Variants in KCNU1 observed in about 807,000 individuals in gnomAD.
KCNU1 encodes the protein potassium calcium-activated channel subfamily U member 1.
A neutral mutation model predicts 126.8 loss-of-function variants in KCNU1; 93 were observed. That is an observed-to-expected ratio of 0.73 (90% CI 0.62 to 0.87). KCNU1 has a LOEUF of 0.87. KCNU1 is among the 40% of genes least tolerant of loss of function. KCNU1 has a pLI of 0.00. For missense variants in KCNU1, 1,330 were observed against 1,367.1 expected, an observed-to-expected ratio of 0.97 and a Z score of 0.43; for synonymous variants, 523 against 494.2, an observed-to-expected ratio of 1.06 and a Z score of -0.77.
At chr8:36,847,933 G>A (rs770628644) in intron 18 of KCNU1, among the ~76,000 whole-genome samples, 47 of 152,124 alleles carry the variant, frequency 3.1e-4, no homozygotes, top group Non-Finnish European at 2.2e-4. Flanking sequence ...TACCAACAGC[G>A]TATGAGTTCC....
In KCNU1 at chr8:36,806,231, G is replaced by T. The variant is rs376169917; in HGVS notation, c.469-38G>T. 655 of 1,344,630 alleles carry T rather than the reference G, an allele frequency of 4.9e-4. 2 individuals carry two copies. Among genetic ancestry groups the T allele is most frequent in the Non-Finnish European group, 6.2e-4 (591 of 957,392 alleles). The allele number at this position is 1,344,630 out of a possible 1,614,324, so 83.3% of individuals were successfully genotyped here. Reference sequence around the variant, plus strand: ...CTAGTGTTCACTTAAAATTCTTGAGGGTAACAGAATTTGTGTTATTCTGTT... The same window carrying T: ...CTAGTGTTCACTTAAAATTCTTGAGTGTAACAGAATTTGTGTTATTCTGTT... On this transcript the variant is annotated intron_variant, in intron 4 of 26. Transcript: ENST00000399881.
chr8:36,843,499 CA>C (rs1805030511), intron 16 of KCNU1, among the ~76,000 whole-genome samples: 1 of 152,190 alleles, frequency 6.6e-6, no homozygotes, highest in South Asian at 2.1e-4. Context: ...TCTCATTTTA[CA>C]GAGGAGGAAG....
intron 10 of KCNU1, among the ~76,000 whole-genome samples, chr8:36,830,534 G>C (rs1005584891): frequency 2.0e-5 from 3 of 151,860 alleles, no homozygotes; most frequent in African/African-American, 7.2e-5. Flanking sequence ...GTCTTTTTTA[G>C]TATTGGTTAG....
At chr8:36,899,168 A>G (rs1354929420) in intron 19 of KCNU1, among the ~76,000 whole-genome samples, 2 of 152,124 alleles carry the variant, frequency 1.3e-5, no homozygotes, top group African/African-American at 4.8e-5. Flanking sequence ...AAAGCTTAAC[A>G]GAGAGAAGTT....
At chr8:36,799,060 C>T (rs1316494240) in intron 2 of KCNU1, among the ~76,000 whole-genome samples, 1 of 152,180 alleles carries the variant, frequency 6.6e-6, no homozygotes, top group Non-Finnish European at 1.5e-5. Flanking sequence ...CACCGGGGTG[C>T]AGAAGCTCAC....
At chr8:36,895,263 G>C (rs555998287) in intron 19 of KCNU1, among the ~76,000 whole-genome samples, 1 of 151,974 alleles carries the variant, frequency 6.6e-6, no homozygotes, top group Non-Finnish European at 1.5e-5. Flanking sequence ...ATTTTTAGTA[G>C]AGATGGGGTT....
At chr8:36,851,296 G>A (rs1368718520) in intron 18 of KCNU1, among the ~76,000 whole-genome samples, 2 of 152,062 alleles carry the variant, frequency 1.3e-5, no homozygotes, top group Non-Finnish European at 2.9e-5. Flanking sequence ...GATTGATTAT[G>A]GGGATGGTTT....
In KCNU1 at chr8:36,836,832, G is replaced by A. The variant is rs770751490; in HGVS notation, c.1405G>A (p.Gly469Arg). 6.8e-6 allele frequency: 11 copies of A among 1,613,550 alleles called. No homozygotes were observed. Among genetic ancestry groups the A allele is most frequent in the East Asian group, 6.7e-5 (3 of 44,842 alleles). ...GATTCCCAGCTGGAACTGGGACACCGGAGACAACATCATCTGCTTTGCTGA... is the reference window on the plus strand; with the variant it reads ...GATTCCCAGCTGGAACTGGGACACCAGAGACAACATCATCTGCTTTGCTGA... Reference protein sequence around the residue: ...PKIPSWNWDTGDNIICFAELK... With the variant: ...PKIPSWNWDTRDNIICFAELK... The change falls in exon 14 of 27, where the codon GGA becomes AGA. Residue 469 changes from glycine (G) to arginine (R), a missense_variant. Physicochemically the swap from Gly to Arg is moderately radical, Grantham distance 125. Transcript: ENST00000399881.
At chr8:36,808,830 G>C in intron 7 of KCNU1, 37 bp downstream of exon 7, 1 of 1,479,666 alleles carries the variant, frequency 6.8e-7, no homozygotes, top group Non-Finnish European at 9.4e-7. Flanking sequence ...GGTGTCTGTT[G>C]TTACCAGCAT....
intron 18 of KCNU1, among the ~76,000 whole-genome samples, chr8:36,864,025 C>G (rs1805815043): frequency 6.6e-6 from 1 of 152,044 alleles, no homozygotes; most frequent in African/African-American, 2.4e-5. Context: ...GAATTGCAAG[C>G]CTGGGCAGCA....
At chr8:36,847,059 G>A (rs1257419918) in intron 18 of KCNU1, among the ~76,000 whole-genome samples, 1 of 152,078 alleles carries the variant, frequency 6.6e-6, no homozygotes, top group African/African-American at 2.4e-5. Flanking sequence ...GTCTGTAATT[G>A]TTACCTTCTG....
chr8:36,828,955 A>G (rs892619549), intron 10 of KCNU1, among the ~76,000 whole-genome samples: 3 of 152,104 alleles, frequency 2.0e-5, no homozygotes. Context: ...TAAGCTTTGC[A>G]ATGAAATCAA....
chr8:36,870,702 C>G (rs1334018090), intron 19 of KCNU1, among the ~76,000 whole-genome samples: 1 of 152,130 alleles, frequency 6.6e-6, no homozygotes, highest in African/African-American at 2.4e-5. Context: ...TTTAAAACTA[C>G]TTTCCCTCCA....
At chr8:36,896,147 A>C (rs1443017946) in intron 19 of KCNU1, among the ~76,000 whole-genome samples, 1 of 151,998 alleles carries the variant, frequency 6.6e-6, no homozygotes, top group Non-Finnish European at 1.5e-5. Context: ...TAAGAAATTT[A>C]AATTACTAAA....
intron 10 of KCNU1, among the ~76,000 whole-genome samples, chr8:36,819,190 G>C (rs1466902356): frequency 6.6e-6 from 1 of 151,918 alleles, no homozygotes; most frequent in African/African-American, 2.4e-5. Flanking sequence ...TCTTCTCTTA[G>C]ACATTCTCTG....
intron 10 of KCNU1, among the ~76,000 whole-genome samples, chr8:36,831,083 T>C (rs1274862139): frequency 6.6e-6 from 1 of 152,064 alleles, no homozygotes; most frequent in African/African-American, 2.4e-5. Flanking sequence ...ACAAGGGACA[T>C]GAACTCATCA....
intron 2 of KCNU1, among the ~76,000 whole-genome samples, chr8:36,800,730 G>A (rs771716187): frequency 1.3e-5 from 2 of 152,160 alleles, no homozygotes; most frequent in African/African-American, 4.8e-5. Context: ...ATTCCTACCC[G>A]ACTCACTGAA....
At chr8:36,855,714 A>G (rs1051574296) in intron 18 of KCNU1, among the ~76,000 whole-genome samples, 1 of 151,372 alleles carries the variant, frequency 6.6e-6, no homozygotes, top group African/African-American at 2.4e-5. Flanking sequence ...AGTTTATTCT[A>G]TTTTTATGGA....
At chr8:36,915,356 A>G (rs1171564833) in intron 22 of KCNU1, among the ~76,000 whole-genome samples, 2 of 152,208 alleles carry the variant, frequency 1.3e-5, no homozygotes, top group East Asian at 3.8e-4. Context: ...CACTTCCATT[A>G]TTTACAAGCC....
Sources: gnomAD v4.1 joint callset for allele counts (sites outside exome capture counted in the v4.1 genomes callset) on GRCh38, gnomAD v4.1.1 for gene constraint, MANE v1.5 for transcripts, NCBI Gene and HGNC (gene_info 2026-07-23, HGNC 2026-07-21) for gene names.